CHD1: variants seen among roughly 807,000 people sequenced by gnomAD.
CHD1 encodes ATP-dependent chromatin remodeler CHD1.
A neutral mutation model predicts 224.2 loss-of-function variants in CHD1; 36 were observed. The ratio of observed to expected loss-of-function variants is 0.16; its 90% CI spans 0.12 to 0.21. The LOEUF (loss-of-function observed/expected upper bound fraction) is 0.21, where lower values mean the gene tolerates loss of function less well. Ranked by LOEUF, CHD1 falls within the 10% of genes least tolerant of loss-of-function variation. The probability of loss-of-function intolerance (pLI) is 1.00; values close to 1 mark genes in which losing one functional copy is unlikely to be tolerated. For missense variants in CHD1, 1,378 were observed against 1,994.8 expected, an observed-to-expected ratio of 0.69 and a Z score of 5.89; for synonymous variants, 668 against 658.3, an observed-to-expected ratio of 1.01 and a Z score of -0.23.
chr5:98,893,154 T>C (rs945747294), intron 14 of CHD1, among the ~76,000 whole-genome samples: 2 of 152,172 alleles, frequency 1.3e-5, no homozygotes, highest in African/African-American at 4.8e-5. Flanking sequence ...ACTGTGTTAG[T>C]TTTTCAAACA....
At chr5:98,924,091 AC>A (rs1753287348) in intron 2 of CHD1, among the ~76,000 whole-genome samples, 1 of 152,128 alleles carries the variant, frequency 6.6e-6, no homozygotes, top group Non-Finnish European at 1.5e-5. Context: ...CCTCATCTCT[AC>A]AAAAAATTTT....
Position 98,855,727 on chromosome 5 carries a change from C to A in CHD1, c.*653G>T, listed in dbSNP as rs1747975512. On this transcript the variant is annotated 3_prime_UTR_variant, in exon 36 of 36. Coordinates refer to ENST00000614616, the MANE Select transcript of CHD1 (RefSeq NM_001270.4). Reference sequence around the variant, plus strand: ...TAGGGAAAGGAACAGTCAAAAAAAGCCTGAGAAAGGGAAGGAAGTAAGGAA... The same window carrying A: ...TAGGGAAAGGAACAGTCAAAAAAAGACTGAGAAAGGGAAGGAAGTAAGGAA... The A allele has an allele frequency of 6.7e-6, 1 of 148,198 alleles. No individual in the cohort carries two copies. Among genetic ancestry groups the A allele is most frequent in the East Asian group, 2.0e-4 (1 of 5,064 alleles). The allele number at this position is 148,198 out of a possible 1,614,324, so 9.2% of individuals were successfully genotyped here.
At chr5:98,867,993 G>C (rs1173496921) in intron 31 of CHD1, among the ~76,000 whole-genome samples, 1 of 151,562 alleles carries the variant, frequency 6.6e-6, no homozygotes, top group Non-Finnish European at 1.5e-5. Context: ...TCTTAGTAGA[G>C]TGTCACCATG....
At chr5:98,925,732 A>G (rs1753413266) in intron 2 of CHD1, among the ~76,000 whole-genome samples, 2 of 152,072 alleles carry the variant, frequency 1.3e-5, no homozygotes, top group Non-Finnish European at 2.9e-5. Context: ...GGCCACAGTA[A>G]TATTTCAACA....
At chr5:98,889,376 T>TCCCC in intron 15 of CHD1, 138 bp from the exon 16 acceptor site, 2 of 595,634 alleles carry the variant, frequency 3.4e-6, no homozygotes, top group South Asian at 5.2e-5. Context: ...CAGCTGTATA[T>TCCCC]ACAACGGACC....
intron 17 of CHD1, 156 bp from the exon 18 acceptor site, chr5:98,885,805 T>A (rs1750612439): frequency 3.5e-6 from 2 of 574,724 alleles, no homozygotes; most frequent in Non-Finnish European, 6.2e-6. Context: ...GCTCAGGCAT[T>A]CTGTCTTTAG....
intron 32 of CHD1, among the ~76,000 whole-genome samples, chr5:98,860,863 C>G (rs1200872915): frequency 5.3e-5 from 8 of 152,150 alleles, no homozygotes; most frequent in African/African-American, 1.9e-4. Context: ...ATGAAATCCA[C>G]AGAAGAAGGA....
At chr5:98,889,873 A>AT (rs1750898979) in intron 15 of CHD1, 1 of 152,222 alleles carries the variant, frequency 6.6e-6, no homozygotes, top group Non-Finnish European at 1.5e-5. Flanking sequence ...CACAGAAAAA[A>AT]AAGGATGAAA....
chr5:98,888,961 T>C (rs113639592), intron 16 of CHD1, 115 bp downstream of exon 16: 3 of 570,068 alleles, frequency 5.3e-6, no homozygotes, highest in Admixed American at 3.5e-5. Context: ...AAAGGCACCA[T>C]TAACTAAAGA....
At chr5:98,885,166 TG>T (rs1750558914) in intron 18 of CHD1, among the ~76,000 whole-genome samples, 2 of 152,034 alleles carry the variant, frequency 1.3e-5, no homozygotes, top group Non-Finnish European at 2.9e-5. Flanking sequence ...CTGAGGCAGG[TG>T]GATCACCTGA....
Position 98,928,998 on chromosome 5 carries a change from A to T in CHD1, c.-608T>A, listed in dbSNP as rs1263986674. The T allele has an allele frequency of 2.0e-5, 3 of 151,756 alleles. No individual in the cohort carries two copies. Among genetic ancestry groups the T allele is most frequent in the African/African-American group, 4.8e-5 (2 of 41,244 alleles). 9.4% of individuals were successfully genotyped at this position (151,756 alleles called of 1,614,324 possible). ...CTCTGCTCACTCCCCTTCCCGACAG[A>T]GCGCGAGGCGGGCGGGCGCGCGCAC... On this transcript the variant is annotated 5_prime_UTR_variant, in exon 1 of 36. Coordinates refer to ENST00000614616, the MANE Select transcript of CHD1 (RefSeq NM_001270.4).
At chr5:98,894,867 G>A (rs1247001391) in intron 12 of CHD1, among the ~76,000 whole-genome samples, 181 bp from the exon 13 acceptor site, 4 of 151,382 alleles carry the variant, frequency 2.6e-5, no homozygotes. Flanking sequence ...TGTTGTCCAG[G>A]GTGGAGTGCA....
At chr5:98,869,316 AT>A in intron 30 of CHD1, 1 of 974,366 alleles carries the variant, frequency 1.0e-6, no homozygotes, top group Non-Finnish European at 1.2e-6. Context: ...TACTAACCAA[AT>A]TTTAACAACG....
In CHD1 at chr5:98,902,984, T is replaced by G; in HGVS notation, c.373-20A>C. On this transcript the variant is annotated intron_variant, in intron 4 of 35. Transcript: ENST00000614616. ...GGAATCCTGTAGAAAAGAAATAAAG[T>G]CAGTATCATCCACTAATGATTAGAA... The G allele has an allele frequency of 1.4e-6, 2 of 1,465,850 alleles. No homozygotes were observed. The highest frequency in any genetic ancestry group is 1.9e-6 in the Non-Finnish European group (2 of 1,052,194). 90.8% of individuals were successfully genotyped at this position (1,465,850 alleles called of 1,614,324 possible). A position where few individuals can be genotyped will look rare whatever the true frequency, so the allele number is the denominator to read the frequency against.
intron 7 of CHD1, 143 bp from the exon 8 acceptor site, chr5:98,899,848 C>A: frequency 1.7e-6 from 1 of 586,220 alleles, no homozygotes; most frequent in South Asian, 2.3e-5. Flanking sequence ...ATGGGAAATT[C>A]TATTGCTCAT....
At position 98,893,423 on chromosome 5, in the gene CHD1, G is replaced by A. The variant is rs757155316; in HGVS notation, c.1984C>T (p.Pro662Ser). The A allele has an allele frequency of 1.3e-6, 2 of 1,582,394 alleles. No homozygotes were observed. Reference protein sequence around the residue: ...ELWSLLHFIMPEKFSSWEDFE... With the variant: ...ELWSLLHFIMSEKFSSWEDFE... ...ATTGTAAAGTTGTCTTACTTTTCTG[G>A]CATAATGAAATGTAGCAAAGACCAG... Residue 662 changes from proline (P) to serine (S), a missense_variant, in exon 14 of 36, where the codon CCA becomes TCA. Pro to Ser is a moderately conservative substitution (Grantham distance 74, BLOSUM62 -1). Around this residue, in one of 16 missense-constraint regions of CHD1, gnomAD observed 37 missense variants for 118.9 expected, o/e 0.31. Coordinates refer to ENST00000614616, the MANE Select transcript of CHD1 (RefSeq NM_001270.4).
intron 15 of CHD1, among the ~76,000 whole-genome samples, chr5:98,892,037 A>G (rs1034276748): frequency 6.6e-6 from 1 of 152,220 alleles, no homozygotes; most frequent in Non-Finnish European, 1.5e-5. Flanking sequence ...TATGCAATTA[A>G]ATGTTTAAAC....
intron 10 of CHD1, among the ~76,000 whole-genome samples, chr5:98,897,618 C>A (rs1015404783): frequency 6.6e-6 from 1 of 152,138 alleles, no homozygotes; most frequent in Non-Finnish European, 1.5e-5. Flanking sequence ...TTAAATTGTT[C>A]AAAACCATCA....
intron 2 of CHD1, among the ~76,000 whole-genome samples, chr5:98,909,828 T>A (rs974652228): frequency 1.3e-5 from 2 of 152,176 alleles, no homozygotes; most frequent in African/African-American, 4.8e-5. Context: ...ACTGTCAGCA[T>A]CCTTGTTGAT....
Sources: gnomAD v4.1 joint callset for allele counts (sites outside exome capture counted in the v4.1 genomes callset) on GRCh38, gnomAD v4.1.1 for gene constraint, gnomAD v4.1.1 regional missense constraint, MANE v1.5 for transcripts, NCBI Gene and HGNC (gene_info 2026-07-23, HGNC 2026-07-21) for gene names.